Variants in GNAQ observed in about 807,000 individuals in gnomAD.
GNAQ encodes guanine nucleotide-binding protein G(q) subunit alpha.
In GNAQ, 8 loss-of-function variants were observed where a neutral mutation model predicts 43.9. The observed-to-expected ratio is 0.18, with a 90% CI of 0.11 to 0.33. The LOEUF (loss-of-function observed/expected upper bound fraction) is 0.33, where lower values mean the gene tolerates loss of function less well. GNAQ is among the 10% of genes least tolerant of loss of function. The pLI, the probability that GNAQ is intolerant of heterozygous loss-of-function variation, is 1.00. For synonymous variants in GNAQ, 155 were observed against 170.7 expected, an observed-to-expected ratio of 0.91 and a Z score of 0.71; for missense variants, 158 against 450.8, an observed-to-expected ratio of 0.35 and a Z score of 5.88.
At chr9:77,792,446 C>T (rs1047026197) in intron 5 of GNAQ, among the ~76,000 whole-genome samples, 45 of 152,054 alleles carry the variant, frequency 3.0e-4, no homozygotes, top group Middle Eastern at 3.4e-3. Flanking sequence ...ATAATAAAAA[C>T]GATGCCATTT....
intron 2 of GNAQ, among the ~76,000 whole-genome samples, chr9:77,889,410 CAAAAAAAAAAAAAAAAAAAAAAAAAA>C (rs58496646): frequency 2.1e-5 from 1 of 48,050 alleles, no homozygotes; most frequent in African/African-American, 8.8e-5. Flanking sequence ...GACCCTGTCT[CAAAAAAAAAAAAAAAAAAAAAAAAAA>C]AAAAAAAAAA....
At chr9:77,755,869 T>G (rs1825895268) in intron 5 of GNAQ, among the ~76,000 whole-genome samples, 1 of 152,178 alleles carries the variant, frequency 6.6e-6, no homozygotes, top group African/African-American at 2.4e-5. Flanking sequence ...TCAACTTGAT[T>G]GGATTGAAGG....
chr9:77,984,049 CAAA>C (rs72279886), intron 1 of GNAQ, among the ~76,000 whole-genome samples: 1,138 of 67,892 alleles, frequency 0.017, 10 homozygotes, highest in African/African-American at 0.042. Flanking sequence ...TTTTGGAGAG[CAAA>C]AAAAAAAAAA....
intron 1 of GNAQ, among the ~76,000 whole-genome samples, chr9:77,971,999 AT>A (rs899433300): frequency 6.6e-6 from 1 of 152,164 alleles, no homozygotes; most frequent in African/African-American, 2.4e-5. Context: ...TTGCACACTG[AT>A]TTTGTATCCT....
chr9:78,023,563 C>T (rs1319063857), intron 1 of GNAQ, among the ~76,000 whole-genome samples: 1 of 151,846 alleles, frequency 6.6e-6, no homozygotes, highest in Non-Finnish European at 1.5e-5. Flanking sequence ...CAACTAGATG[C>T]CTGCAGTTAC....
In GNAQ at chr9:77,870,346, T is replaced by G. The variant is rs930553334; in HGVS notation, c.321+51815A>C. Among the ~76,000 whole-genome samples the G allele has an allele frequency of 3.3e-5, 5 of 150,142 alleles. No homozygotes were observed. In the East Asian group the frequency reaches 5.9e-4, roughly 18 times the overall value. On this transcript the variant is annotated intron_variant, in intron 2 of 6. Transcript: ENST00000286548. ...CTAGTTTTTTTTTTTTTTTTTTTTT[T>G]TTTAGACGGAGTTTTGCTCTGTCAC...
intron 2 of GNAQ, among the ~76,000 whole-genome samples, chr9:77,819,593 C>G (rs1041020306): frequency 6.6e-6 from 1 of 151,982 alleles, no homozygotes; most frequent in Non-Finnish European, 1.5e-5. Context: ...GCTTATTAGG[C>G]CTGCTCTGTC....
intron 1 of GNAQ, among the ~76,000 whole-genome samples, chr9:77,977,037 C>T (rs904114600): frequency 7.2e-5 from 11 of 152,180 alleles, no homozygotes; most frequent in African/African-American, 2.7e-4. Context: ...AATTATTAGG[C>T]AGGATTTCAC....
In GNAQ at chr9:77,895,197, C is replaced by CAA. The variant is rs35874480; in HGVS notation, c.321+26962_321+26963dup. On this transcript the variant is annotated intron_variant, in intron 2 of 6. Coordinates refer to ENST00000286548, the MANE Select transcript of GNAQ (RefSeq NM_002072.5). ...TGGGTGACAGAGCGAGACTCCATCT[C>CAA]AAAAAAAAAAAAAAAACAGAATGGC... Among the ~76,000 whole-genome samples the CAA allele has an allele frequency of 4.5e-3, 525 of 115,546 alleles. 4 individuals carry two copies. Among genetic ancestry groups the CAA allele is most frequent in the African/African-American group, 0.017 (487 of 29,088 alleles). The allele number at this position is 115,546 out of a possible 152,430, so 75.8% of individuals were successfully genotyped here. A position where few individuals can be genotyped will look rare whatever the true frequency, so the allele number is the denominator to read the frequency against.
chr9:77,939,894 C>G (rs1268969800), intron 1 of GNAQ, among the ~76,000 whole-genome samples: 4 of 152,134 alleles, frequency 2.6e-5, no homozygotes, highest in Non-Finnish European at 4.4e-5. Flanking sequence ...AAACCAAATC[C>G]AAGAAAGTAG....
intron 2 of GNAQ, among the ~76,000 whole-genome samples, chr9:77,826,919 G>C (rs573952371): frequency 2.6e-5 from 4 of 152,254 alleles, no homozygotes; most frequent in African/African-American, 9.6e-5. Context: ...ACGCTTTTGG[G>C]TGTAAGATCT....
At chr9:77,792,510 T>C (rs952349839) in intron 5 of GNAQ, among the ~76,000 whole-genome samples, 2 of 152,118 alleles carry the variant, frequency 1.3e-5, no homozygotes, top group African/African-American at 4.8e-5. Flanking sequence ...CTATTAGCTA[T>C]GTCTGAGGAA....
intron 2 of GNAQ, among the ~76,000 whole-genome samples, chr9:77,912,696 G>A (rs1488937270): frequency 6.6e-6 from 1 of 152,054 alleles, no homozygotes; most frequent in Non-Finnish European, 1.5e-5. Context: ...TGAGAAATCA[G>A]ACAAGCCAAT....
chr9:77,937,126 A>G (rs1829243498), intron 1 of GNAQ, among the ~76,000 whole-genome samples: 1 of 152,144 alleles, frequency 6.6e-6, no homozygotes, highest in African/African-American at 2.4e-5. Flanking sequence ...TCACATATAT[A>G]CCCTACAACT....
At chr9:78,006,583 GT>G (rs1472613893) in intron 1 of GNAQ, among the ~76,000 whole-genome samples, 1 of 152,182 alleles carries the variant, frequency 6.6e-6, no homozygotes, top group Non-Finnish European at 1.5e-5. Flanking sequence ...CTAGGATAGT[GT>G]TTGTTCTTTC....
chr9:77,776,090 A>C (rs2118387264), intron 5 of GNAQ, among the ~76,000 whole-genome samples: 1 of 152,350 alleles, frequency 6.6e-6, no homozygotes, highest in South Asian at 2.1e-4. Context: ...CAGGCTTGCA[A>C]CAACATAACA....
intron 2 of GNAQ, among the ~76,000 whole-genome samples, chr9:77,918,173 G>A (rs1043808262): frequency 1.3e-5 from 2 of 152,108 alleles, no homozygotes; most frequent in African/African-American, 2.4e-5. Context: ...CAGTTCAGAA[G>A]AGCTCATATA....
At chr9:77,834,503 TTTC>T (rs1239331889) in intron 2 of GNAQ, among the ~76,000 whole-genome samples, 4 of 82,310 alleles carry the variant, frequency 4.9e-5, no homozygotes, top group Admixed American at 1.2e-4. Flanking sequence ...TACACTATTC[TTTC>T]TTTTTTTTTA....
intron 2 of GNAQ, among the ~76,000 whole-genome samples, chr9:77,826,377 T>A (rs1280251555): frequency 6.6e-6 from 1 of 152,220 alleles, no homozygotes; most frequent in South Asian, 2.1e-4. Flanking sequence ...GAGAATTATG[T>A]TGAATCTGAC....
Sources: gnomAD v4.1 joint callset for allele counts (sites outside exome capture counted in the v4.1 genomes callset) on GRCh38, gnomAD v4.1.1 for gene constraint, MANE v1.5 for transcripts, NCBI Gene and HGNC (gene_info 2026-07-23, HGNC 2026-07-21) for gene names.